TRANK1: variants seen among roughly 807,000 people sequenced by gnomAD.
TRANK1 encodes tetratricopeptide repeat and ankyrin repeat containing 1, also known as TPR and ankyrin repeat-containing protein 1.
In TRANK1, 198 loss-of-function variants were observed where a neutral mutation model predicts 266.0. The ratio of observed to expected loss-of-function variants is 0.74; its 90% CI spans 0.66 to 0.84. TRANK1 has a LOEUF of 0.84. Among genes scored for constraint, TRANK1 ranks in the 40% least tolerant of loss-of-function variants. TRANK1 has a pLI of 0.00. For missense variants in TRANK1, 3,326 were observed against 3,634.6 expected (o/e 0.92, Z 2.18); for synonymous variants, 1,396 against 1,384.1 (o/e 1.01, Z -0.19).
In TRANK1 at chr3:36,833,276, T is replaced by C; in HGVS notation, c.6307A>G (p.Asn2103Asp). Residue 2103 changes from asparagine (N) to aspartate (D), a missense_variant, in exon 22 of 24, where the codon AAC (asparagine) becomes GAC (aspartate). Transcript: ENST00000645898. Reference sequence around the variant, plus strand: ...TTGACCATTTCCTTCTCAGCATTGTTGGTCACTCTTTTGAGAGCCCTGACC... The same window carrying C: ...TTGACCATTTCCTTCTCAGCATTGTCGGTCACTCTTTTGAGAGCCCTGACC... ...SLVRALKRVT[N>D]NAEKEMVKSC... 1 of 1,614,018 alleles carries C rather than the reference T, an allele frequency of 6.2e-7. No individual in the cohort carries two copies. The highest frequency in any genetic ancestry group is 8.5e-7 in the Non-Finnish European group (1 of 1,179,894).
Position 36,895,571 on chromosome 3 carries a change from A to G in TRANK1, c.552+69T>C, listed in dbSNP as rs2079777002. On this transcript the variant is annotated intron_variant, in intron 5 of 23. Transcript: ENST00000645898. ...ACAAATAATAAATTACAATCCCTCAATGCCAATGGAAAGGAATCATTTCAT... is the reference window on the plus strand; with the variant it reads ...ACAAATAATAAATTACAATCCCTCAGTGCCAATGGAAAGGAATCATTTCAT... 7 of 945,304 alleles carry G rather than the reference A, an allele frequency of 7.4e-6. No homozygotes were observed. In the South Asian group the frequency reaches 1.1e-4, roughly 15 times the overall value. 58.6% of individuals were successfully genotyped at this position (945,304 alleles called of 1,614,324 possible).
chr3:36,832,048 G>A lies in TRANK1; in HGVS notation c.7535C>T (p.Pro2512Leu), dbSNP rs2078702676. The change falls in exon 22 of 24, where the codon CCC becomes CTC. Residue 2512 changes from proline (P) to leucine (L), a missense_variant. Coordinates refer to ENST00000645898, the MANE Select transcript of TRANK1 (RefSeq NM_001329998.2). ...CTGAATGGCTCTTGTCACGTCCTTG[G>A]GTTTGTATTCCTGAATGATGGAGAA... ...DVFSIIQEYK[P>L]KDVTRAIQDF... 6.2e-7 allele frequency: 1 copy of A among 1,613,998 alleles called. No homozygotes were observed. The highest frequency in any genetic ancestry group is 8.5e-7 in the Non-Finnish European group (1 of 1,179,898).
At chr3:36,944,317 C>T (rs1237783726) in intron 1 of TRANK1, among the ~76,000 whole-genome samples, 1 of 152,196 alleles carries the variant, frequency 6.6e-6, no homozygotes, top group Non-Finnish European at 1.5e-5. Flanking sequence ...CCAGCGCGCT[C>T]CAAGTTCCCC....
chr3:36,887,720 C>T (rs373298845), intron 8 of TRANK1, among the ~76,000 whole-genome samples: 11 of 152,334 alleles, frequency 7.2e-5, no homozygotes, highest in African/African-American at 2.4e-4. Context: ...AGATCAGACA[C>T]CCCTGATTAT....
chr3:36,904,159 T>C (rs9882952), intron 2 of TRANK1, among the ~76,000 whole-genome samples: 43,040 of 151,192 alleles, frequency 0.28, 6,646 homozygotes, highest in East Asian at 0.57. Flanking sequence ...TTTCACCATG[T>C]TGGCCAGGAT....
In TRANK1 at chr3:36,855,447, C is replaced by G. The variant is rs774941449; in HGVS notation, c.4275G>C (p.Arg1425Ser). 8 of 1,613,818 alleles carry G rather than the reference C, an allele frequency of 5.0e-6. No individual in the cohort carries two copies. The highest frequency in any genetic ancestry group is 1.1e-5 in the South Asian group (1 of 91,084). The change falls in exon 13 of 24, where the codon AGG becomes AGC. Residue 1425 changes from arginine (R) to serine (S), a missense_variant. Physicochemically the swap from Arg to Ser is moderately radical, Grantham distance 110. Coordinates refer to ENST00000645898, the MANE Select transcript of TRANK1 (RefSeq NM_001329998.2). ...GCTCGTGGATGGACCATGGGAGCAC[C>G]CTGAGCTTCGACAGCCTCCGGGATA... Reference protein sequence around the residue: ...YNISRRLSKLRVLPWSIHELY... With the variant: ...YNISRRLSKLSVLPWSIHELY...
chr3:36,912,859 C>T (rs2080071726), intron 1 of TRANK1, among the ~76,000 whole-genome samples: 1 of 133,388 alleles, frequency 7.5e-6, no homozygotes, highest in South Asian at 2.2e-4. Context: ...TTCTTGACAA[C>T]AAATTTGTTT....
In TRANK1 at chr3:36,938,487, GA is replaced by G. The variant is rs550841494; in HGVS notation, c.23+6299del. ...CCACCTCAGCCTCCCAAAGTGCTGG[GA>G]TTACAGGCGTGAGCCACCAGGCCCA... On this transcript the variant is annotated intron_variant, in intron 1 of 23. Transcript: ENST00000645898. 1.7e-4 allele frequency among the ~76,000 whole-genome samples: 26 copies of G among 152,104 alleles called. No individual in the cohort carries two copies. In the South Asian group the frequency reaches 5.2e-3, roughly 30 times the overall value.
rs2078638384 is a variant in TRANK1, at chr3:36,826,933, A to G, written c.*1342T>C. ...AACACCTGGAATAAAAATTAGAAAC[A>G]TAATCTAAGAAAAATTGGAAACAAG... is the stretch of plus-strand genomic sequence containing the variant. On this transcript the variant is annotated 3_prime_UTR_variant, in exon 24 of 24. Coordinates refer to ENST00000645898, the MANE Select transcript of TRANK1 (RefSeq NM_001329998.2). The G allele has an allele frequency of 6.6e-6, 1 of 152,246 alleles. No homozygotes were observed. The highest frequency in any genetic ancestry group is 2.4e-5 in the African/African-American group (1 of 41,466). 9.4% of individuals were successfully genotyped at this position (152,246 alleles called of 1,614,324 possible).
chr3:36,942,847 G>A (rs549258134), intron 1 of TRANK1, among the ~76,000 whole-genome samples: 11 of 148,376 alleles, frequency 7.4e-5, no homozygotes, highest in African/African-American at 2.5e-4. Context: ...CGGTCATAAA[G>A]TGAAGTTAAC....
chr3:36,925,987 G>T (rs1052699624), intron 1 of TRANK1, among the ~76,000 whole-genome samples: 3 of 152,176 alleles, frequency 2.0e-5, no homozygotes, highest in Admixed American at 6.5e-5. Context: ...TCTTAATATT[G>T]ATGCTTTTAT....
chr3:36,865,020 T>C (rs1208465405), intron 9 of TRANK1, among the ~76,000 whole-genome samples: 1 of 137,744 alleles, frequency 7.3e-6, no homozygotes, highest in South Asian at 2.5e-4. Flanking sequence ...TTTTTGTTTT[T>C]TTGGTTTTTT....
chr3:36,831,865 G>C lies in TRANK1; in HGVS notation c.7718C>G (p.Ala2573Gly). 6.2e-7 allele frequency: 1 copy of C among 1,614,026 alleles called. No individual in the cohort carries two copies. ...LVLCLVMLVN[A>G]EEILQPYCKP... ...GCAGTATGGCTGCAGGATCTCCTCAGCATTCACTAGCATCACCAAGCACAG... is the reference window on the plus strand; with the variant it reads ...GCAGTATGGCTGCAGGATCTCCTCACCATTCACTAGCATCACCAAGCACAG... Residue 2573 changes from alanine (A) to glycine (G), a missense_variant, in exon 22 of 24, where the codon GCT (alanine) becomes GGT (glycine). Physicochemically the swap from Ala to Gly is moderately conservative, Grantham distance 60 (BLOSUM62 0). Coordinates refer to ENST00000645898, the MANE Select transcript of TRANK1 (RefSeq NM_001329998.2). The surrounding 1 kb of genome is among the most constrained non-coding windows in gnomAD (Gnocchi z 5.0).
At chr3:36,900,531 C>T (rs906875741) in intron 3 of TRANK1, among the ~76,000 whole-genome samples, 14 of 152,052 alleles carry the variant, frequency 9.2e-5, no homozygotes, top group East Asian at 3.8e-4. Context: ...GCCTACCCCA[C>T]GTTGATCACC....
At position 36,856,433 on chromosome 3, in the gene TRANK1, A is replaced by T. The variant is rs771792373; in HGVS notation, c.3289T>A (p.Tyr1097Asn). 3 of 1,613,754 alleles carry T rather than the reference A, an allele frequency of 1.9e-6. No homozygotes were observed. Among genetic ancestry groups the T allele is most frequent in the Non-Finnish European group, 2.5e-6 (3 of 1,179,826 alleles). The change falls in exon 13 of 24, where the codon TAC becomes AAC. Residue 1097 changes from tyrosine to asparagine, a missense_variant. Transcript: ENST00000645898. ...LYRLWKKFHV[Y>N]WEKAEQAGSP... is the part of the protein sequence containing the mutation. ...CCTGCCTGCTCAGCTTTTTCCCAGTAAACGTGGAATTTCTTCCACAATCTG... is the reference window on the plus strand; with the variant it reads ...CCTGCCTGCTCAGCTTTTTCCCAGTTAACGTGGAATTTCTTCCACAATCTG...
intron 20 of TRANK1, 52 bp downstream of exon 20, chr3:36,838,320 G>A: frequency 2.5e-6 from 4 of 1,605,684 alleles, no homozygotes; most frequent in Non-Finnish European, 2.6e-6. Context: ...CCCTCAATCT[G>A]CTCAAGTGAA....
At chr3:36,944,109 C>T (rs1394811648) in intron 1 of TRANK1, among the ~76,000 whole-genome samples, 1 of 152,144 alleles carries the variant, frequency 6.6e-6, no homozygotes, top group African/African-American at 2.4e-5. Context: ...CAACAGACTC[C>T]GAGCTCCGGT....
chr3:36,856,322 C>T lies in TRANK1; in HGVS notation c.3400G>A (p.Glu1134Lys). Reference sequence around the variant, plus strand: ...TCCTCTTCCTCGTCCTCTTCCTCCTCCTCTTCCTCCCCACCTGGACTCTCT... The same window carrying T: ...TCCTCTTCCTCGTCCTCTTCCTCCTTCTCTTCCTCCCCACCTGGACTCTCT... ...GKESPGGEEE[E>K]EEEDEEEEDS... Residue 1134 changes from glutamate to lysine, a missense_variant, in exon 13 of 24, where the codon GAG (glutamate) becomes AAG (lysine). Transcript: ENST00000645898. The T allele has an allele frequency of 6.4e-7, 1 of 1,573,710 alleles. No individual in the cohort carries two copies.
rs2078725716 is a variant in TRANK1, at chr3:36,833,459, C to T, written c.6124G>A (p.Asp2042Asn). The T allele has an allele frequency of 1.2e-6, 2 of 1,613,866 alleles. No homozygotes were observed. Among genetic ancestry groups the T allele is most frequent in the Non-Finnish European group, 1.7e-6 (2 of 1,179,804 alleles). ...AHFLQGVILR[D>N]FQKLRDAFFK... ...AAGGCATCCCTGAGCTTCTGAAAGT[C>T]TCTCAGGATTACCCCTTGCAGGAAG... Residue 2042 changes from aspartate to asparagine, a missense_variant, in exon 22 of 24, where the codon GAC (aspartate) becomes AAC (asparagine). Transcript: ENST00000645898.
Sources: allele counts gnomAD v4.1 joint callset (sites outside exome capture counted in the v4.1 genomes callset), GRCh38; gene constraint gnomAD v4.1.1; non-coding constraint Gnocchi (gnomAD v3.1); transcripts MANE v1.5; gene names NCBI Gene and HGNC (gene_info 2026-07-23, HGNC 2026-07-21).